Variants in ADORA1 observed in about 807,000 individuals in gnomAD.
The protein encoded by ADORA1 is adenosine receptor A1.
In ADORA1, 6 loss-of-function variants were observed where a neutral mutation model predicts 19.9. The observed-to-expected ratio is 0.30, with a 90% CI of 0.17 to 0.59. The LOEUF is 0.59. Among genes scored for constraint, ADORA1 ranks in the 20% least tolerant of loss-of-function variants. The pLI is 0.87. For missense variants in ADORA1, 302 were observed against 439.2 expected (o/e 0.69, Z 2.79); for synonymous variants, 194 against 188.4 (o/e 1.03, Z -0.24).
chr1:203,140,985 T>C (rs1654665102), intron 3 of ADORA1, among the ~76,000 whole-genome samples: 1 of 152,276 alleles, frequency 6.6e-6, no homozygotes, highest in East Asian at 1.9e-4. Flanking sequence ...TTGTGTTAAC[T>C]CGTGCACAGT....
At chr1:203,149,615 T>G (rs992186489) in intron 3 of ADORA1, among the ~76,000 whole-genome samples, 1 of 152,150 alleles carries the variant, frequency 6.6e-6, no homozygotes, top group Non-Finnish European at 1.5e-5. Flanking sequence ...GCTTGAGATA[T>G]CGGGGCTGAG....
Position 203,167,394 on chromosome 1 carries a change from CTG to C in ADORA1, c.*1497_*1498del, listed in dbSNP as rs1297884015. 1.3e-5 allele frequency: 2 copies of C among 152,264 alleles called. No individual in the cohort carries two copies. The highest frequency in any genetic ancestry group is 4.8e-5 in the African/African-American group (2 of 41,428). The allele number at this position is 152,264 out of a possible 1,614,324, so 9.4% of individuals were successfully genotyped here. ...GGAGGCCCATGTGACTAATAAAAAA[CTG>C]TGAACCCTGTGGAGAGCACATTGCT... is the stretch of plus-strand genomic sequence containing the variant. On this transcript the variant is annotated 3_prime_UTR_variant, in exon 4 of 4. Coordinates refer to ENST00000337894, the MANE Select transcript of ADORA1 (RefSeq NM_000674.3).
intron 3 of ADORA1, among the ~76,000 whole-genome samples, chr1:203,154,067 C>T (rs986920232): frequency 1.3e-5 from 2 of 152,192 alleles, no homozygotes; most frequent in Non-Finnish European, 2.9e-5. Flanking sequence ...CCCTCCACCT[C>T]CCTGCTCCCA....
At position 203,165,775 on chromosome 1, in the gene ADORA1, A is replaced by G. The variant is rs1487586598; in HGVS notation, c.856A>G (p.Ile286Val). 3 of 1,613,734 alleles carry G rather than the reference A, an allele frequency of 1.9e-6. No individual in the cohort carries two copies. Among genetic ancestry groups the G allele is most frequent in the Non-Finnish European group, 2.5e-6 (3 of 1,179,848 alleles). The change falls in exon 4 of 4, where the codon ATT (isoleucine) becomes GTT (valine). Residue 286 changes from isoleucine to valine, a missense_variant. Transcript: ENST00000337894. This position sits in a 1 kb window ranked among gnomAD's most constrained non-coding sequence, Gnocchi z 5.9. ...LTHGNSAMNP[I>V]VYAFRIQKFR... ...GCACGGCAACTCGGCCATGAACCCC[A>G]TTGTCTATGCCTTCCGCATCCAGAA...
intron 3 of ADORA1, among the ~76,000 whole-genome samples, chr1:203,149,606 C>T (rs1654968133): frequency 6.6e-6 from 1 of 152,170 alleles, no homozygotes; most frequent in African/African-American, 2.4e-5. Context: ...AATTAAGTGG[C>T]TTGAGATATC....
At chr1:203,153,601 G>T (rs765030989) in intron 3 of ADORA1, among the ~76,000 whole-genome samples, 3 of 152,164 alleles carry the variant, frequency 2.0e-5, no homozygotes, top group Admixed American at 1.3e-4. Context: ...TCCTTTTGGG[G>T]ATTGGTGGGC....
chr1:203,152,002 C>T (rs925903055), intron 3 of ADORA1, among the ~76,000 whole-genome samples: 1 of 152,152 alleles, frequency 6.6e-6, no homozygotes, highest in Non-Finnish European at 1.5e-5. Flanking sequence ...GTGTTCAGTG[C>T]CCCTCCCTCC....
chr1:203,138,721 G>A (rs559485663), intron 3 of ADORA1, among the ~76,000 whole-genome samples: 3 of 152,324 alleles, frequency 2.0e-5, no homozygotes, highest in Admixed American at 6.5e-5. Flanking sequence ...AGGTGGTATC[G>A]AGTACTCTTG....
At chr1:203,151,170 G>A (rs1034081118) in intron 3 of ADORA1, among the ~76,000 whole-genome samples, 1 of 152,194 alleles carries the variant, frequency 6.6e-6, no homozygotes, top group Non-Finnish European at 1.5e-5. Flanking sequence ...AAGGGAGGTG[G>A]GAGGAAAGGC....
chr1:203,163,725 C>G (rs142689354), intron 3 of ADORA1, among the ~76,000 whole-genome samples: 1 of 152,304 alleles, frequency 6.6e-6, no homozygotes, highest in African/African-American at 2.4e-5. Context: ...GTCTCCCTTC[C>G]TACCCCTATA....
rs1245742976 is a variant in ADORA1 at position 203,166,964 on chromosome 1, AC to A, written c.*1070del. ...CAGGCTGCAGCAGGCAGAGGAGAGT[AC>A]CCCCCTGAGAGCATGTGGGGGAAGG... On this transcript the variant is annotated 3_prime_UTR_variant, in exon 4 of 4. Coordinates refer to ENST00000337894, the MANE Select transcript of ADORA1 (RefSeq NM_000674.3). The A allele has an allele frequency of 1.3e-5, 2 of 152,336 alleles. No homozygotes were observed. The highest frequency in any genetic ancestry group is 2.9e-5 in the Non-Finnish European group (2 of 68,298). The allele number at this position is 152,336 out of a possible 1,614,324, so 9.4% of individuals were successfully genotyped here.
At chr1:203,150,530 T>G (rs1219818616) in intron 3 of ADORA1, 1 of 1,143,810 alleles carries the variant, frequency 8.7e-7, no homozygotes, top group Non-Finnish European at 1.1e-6. Flanking sequence ...TGCTGGGTCC[T>G]GGGGTCCTTC....
At chr1:203,138,792 C>T (rs1036265738) in intron 3 of ADORA1, among the ~76,000 whole-genome samples, 5 of 152,054 alleles carry the variant, frequency 3.3e-5, no homozygotes, top group African/African-American at 1.2e-4. Context: ...GAAGTGGAAA[C>T]GAGCTGTCTT....
At chr1:203,164,319 G>A (rs1317556535) in intron 3 of ADORA1, among the ~76,000 whole-genome samples, 1 of 152,244 alleles carries the variant, frequency 6.6e-6, no homozygotes, top group Non-Finnish European at 1.5e-5. Context: ...CACCCAAAAT[G>A]TGAGATATGT....
chr1:203,140,108 G>A (rs891380444), intron 3 of ADORA1, among the ~76,000 whole-genome samples: 4 of 152,216 alleles, frequency 2.6e-5, no homozygotes, highest in Non-Finnish European at 5.9e-5. Flanking sequence ...ATCTAGGCAA[G>A]GGTGGTTTAA....
chr1:203,131,846 C>T (rs928785387), intron 3 of ADORA1, among the ~76,000 whole-genome samples: 2 of 152,306 alleles, frequency 1.3e-5, no homozygotes, highest in Non-Finnish European at 2.9e-5. Context: ...TACGAAACTC[C>T]TCTTGGCCAG....
At position 203,166,968 on chromosome 1, in the gene ADORA1, C is replaced by A. The variant is rs774796770; in HGVS notation, c.*1068C>A. The A allele has an allele frequency of 6.5e-6, 1 of 152,728 alleles. No homozygotes were observed. The highest frequency in any genetic ancestry group is 6.5e-5 in the Admixed American group (1 of 15,304). The allele number at this position is 152,728 out of a possible 1,614,324, so 9.5% of individuals were successfully genotyped here. On this transcript the variant is annotated 3_prime_UTR_variant, in exon 4 of 4. Transcript: ENST00000337894. ...CTGCAGCAGGCAGAGGAGAGTACCC[C>A]CCTGAGAGCATGTGGGGGAAGGCCT...
At chr1:203,143,669 C>G (rs892907198) in intron 3 of ADORA1, among the ~76,000 whole-genome samples, 3 of 152,198 alleles carry the variant, frequency 2.0e-5, no homozygotes, top group African/African-American at 2.4e-5. Context: ...CCATGCAGCC[C>G]CTGCCCCCAG....
chr1:203,130,029 C>A (rs1571778499), intron 3 of ADORA1, among the ~76,000 whole-genome samples: 1 of 152,230 alleles, frequency 6.6e-6, no homozygotes, highest in Non-Finnish European at 1.5e-5. Flanking sequence ...CCAGCGAGTG[C>A]CTGGGCATAT....
Sources: gnomAD v4.1 joint callset for allele counts (sites outside exome capture counted in the v4.1 genomes callset) on GRCh38, gnomAD v4.1.1 for gene constraint, Gnocchi (gnomAD v3.1) non-coding constraint, MANE v1.5 for transcripts, NCBI Gene and HGNC (gene_info 2026-07-23, HGNC 2026-07-21) for gene names.